The following TJP1 variants were observed in gnomAD, a reference collection of about 807,000 sequenced individuals.
TJP1 encodes the protein tight junction protein 1, also known as tight junction protein ZO-1.
A neutral mutation model predicts 194.2 loss-of-function variants in TJP1; 43 were observed. That is an observed-to-expected ratio of 0.22 (90% CI 0.17 to 0.29). The LOEUF is 0.29. Ranked by LOEUF, TJP1 falls within the 10% of genes least tolerant of loss-of-function variation. The pLI, the probability that TJP1 is intolerant of heterozygous loss-of-function variation, is 1.00. For synonymous variants in TJP1, 801 were observed against 779.0 expected (o/e 1.03, Z -0.47); for missense variants, 1,971 against 2,185.7 (o/e 0.90, Z 1.96).
chr15:29,963,826 G>T (rs749819977), intron 1 of TJP1, among the ~76,000 whole-genome samples: 1 of 152,004 alleles, frequency 6.6e-6, no homozygotes, highest in Admixed American at 6.6e-5. Context: ...GCTAATTTTT[G>T]TATTTTTAGT....
chr15:29,727,939 G>T lies in TJP1; in HGVS notation c.2098C>A (p.Gln700Lys). Residue 700 changes from glutamine to lysine, a missense_variant and splice_region_variant, in exon 16 of 28, where the codon CAA becomes AAA. Gln to Lys is a moderately conservative substitution (Grantham distance 53). Coordinates refer to ENST00000614355, the MANE Select transcript of TJP1 (RefSeq NM_001330239.4). ...TGGGTCAAGTTTTAATAACTTACTT[G>T]ATCTATGATTTGCTTTATTGTATGC... is the stretch of plus-strand genomic sequence containing the variant. ...RLHTIKQIID[Q>K]DKHALLDVTP... 1 of 1,613,188 alleles carries T rather than the reference G, an allele frequency of 6.2e-7. No homozygotes were observed. The highest frequency in any genetic ancestry group is 2.2e-5 in the East Asian group (1 of 44,852).
intron 2 of TJP1, among the ~76,000 whole-genome samples, chr15:29,908,188 T>G (rs2053890291): frequency 6.6e-6 from 1 of 151,510 alleles, no homozygotes; most frequent in Non-Finnish European, 1.5e-5. Context: ...TTTTCTATTT[T>G]GAAAGGGCCT....
At chr15:29,750,734 G>A (rs965818610) in intron 8 of TJP1, among the ~76,000 whole-genome samples, 2 of 152,070 alleles carry the variant, frequency 1.3e-5, no homozygotes, top group Non-Finnish European at 2.9e-5. Flanking sequence ...CTTTTATAAA[G>A]CCAACTCCCC....
At chr15:29,799,568 C>T (rs997064648) in intron 2 of TJP1, among the ~76,000 whole-genome samples, 2 of 151,962 alleles carry the variant, frequency 1.3e-5, no homozygotes, top group African/African-American at 4.8e-5. Context: ...GCACCCGCCA[C>T]CACGCCTGGC....
intron 2 of TJP1, among the ~76,000 whole-genome samples, chr15:29,907,524 T>C (rs2053856988): frequency 6.6e-6 from 1 of 152,232 alleles, no homozygotes; most frequent in African/African-American, 2.4e-5. Flanking sequence ...GATGAGATTA[T>C]GCACAATTTC....
intron 2 of TJP1, among the ~76,000 whole-genome samples, chr15:29,781,889 C>G (rs2047388554): frequency 6.6e-6 from 1 of 152,202 alleles, no homozygotes; most frequent in East Asian, 1.9e-4. Flanking sequence ...AAGCTGGAAG[C>G]ATTCTCCTTG....
At chr15:29,793,896 G>T (rs2048248100) in intron 2 of TJP1, among the ~76,000 whole-genome samples, 1 of 152,190 alleles carries the variant, frequency 6.6e-6, no homozygotes, top group East Asian at 1.9e-4. Context: ...AGTTGAATTT[G>T]GTTTAAGGAT....
intron 11 of TJP1, among the ~76,000 whole-genome samples, chr15:29,737,048 C>A (rs375432151): frequency 6.6e-6 from 1 of 152,056 alleles, no homozygotes; most frequent in Non-Finnish European, 1.5e-5. Flanking sequence ...TTTACTAACA[C>A]AAAATATAGC....
intron 1 of TJP1, among the ~76,000 whole-genome samples, chr15:29,807,980 A>G (rs557850085): frequency 2.0e-5 from 3 of 152,276 alleles, no homozygotes; most frequent in Admixed American, 6.5e-5. Flanking sequence ...AAAAATGGGC[A>G]AAAGTGGCCA....
chr15:29,816,207 T>C (rs76356170), intron 1 of TJP1, among the ~76,000 whole-genome samples: 4 of 152,128 alleles, frequency 2.6e-5, no homozygotes, highest in African/African-American at 9.7e-5. Context: ...TTTGTATTTT[T>C]AGTAGAGACG....
intron 2 of TJP1, among the ~76,000 whole-genome samples, chr15:29,951,972 TTCAAGCAA>T (rs2055766393): frequency 6.6e-6 from 1 of 152,214 alleles, no homozygotes; most frequent in African/African-American, 2.4e-5. Context: ...GCTGCAAAAT[TTCAAGCAA>T]TTTGTTAAAT....
At position 29,741,176 on chromosome 15, in the gene TJP1, A is replaced by G. The variant is rs1019038623; in HGVS notation, c.1256+155T>C. The G allele has an allele frequency of 2.2e-5, 13 of 596,604 alleles. No individual in the cohort carries two copies. The African/African-American group carries it at 2.2e-4, about 10-fold the overall frequency. 37.0% of individuals were successfully genotyped at this position (596,604 alleles called of 1,614,324 possible). ...TCTAATTTCTAACTCACTATCATAT[A>G]TAAGTAGCAGAATGTTAAATATAAA... is the stretch of plus-strand genomic sequence containing the variant. On this transcript the variant is annotated intron_variant, in intron 10 of 27. Coordinates refer to ENST00000614355, the MANE Select transcript of TJP1 (RefSeq NM_001330239.4).
intron 2 of TJP1, among the ~76,000 whole-genome samples, chr15:29,848,837 G>A (rs774196316): frequency 1.3e-5 from 2 of 151,806 alleles, no homozygotes; most frequent in Non-Finnish European, 2.9e-5. Flanking sequence ...CCAGCCTGGC[G>A]ACAGAGTGAG....
At chr15:29,958,997 T>G (rs78172695) in intron 1 of TJP1, among the ~76,000 whole-genome samples, 1 of 151,842 alleles carries the variant, frequency 6.6e-6, no homozygotes, top group African/African-American at 2.4e-5. Context: ...TTTTTTTTTT[T>G]GTTTTTTTTT....
chr15:29,944,092 ATTTAT>A lies in TJP1; in HGVS notation c.306+12135_306+12139del, dbSNP rs1245790011. On this transcript the variant is annotated intron_variant, in intron 2 of 28. Coordinates refer to the TJP1 transcript ENST00000356107. ...TTTAAATTTATTTATTTATTTATTT[ATTTAT>A]TTTATTTATTTTTGAGACAGAGTCT... Among the ~76,000 whole-genome samples the A allele has an allele frequency of 2.1e-4, 32 of 149,140 alleles. No individual in the cohort carries two copies. The South Asian group carries it at 6.8e-3, about 32-fold the overall frequency.
intron 15 of TJP1, 96 bp downstream of exon 15, chr15:29,732,337 A>G: frequency 1.8e-6 from 2 of 1,130,136 alleles, no homozygotes. Flanking sequence ...TTTCACTGAC[A>G]AAAAGTCTTA....
chr15:29,763,214 G>A (rs1442572488), intron 5 of TJP1, among the ~76,000 whole-genome samples: 4 of 152,164 alleles, frequency 2.6e-5, no homozygotes, highest in Non-Finnish European at 5.9e-5. Flanking sequence ...TGTGGGTAAG[G>A]AATGTTGGAA....
intron 2 of TJP1, among the ~76,000 whole-genome samples, chr15:29,938,499 T>A (rs2054956609): frequency 6.6e-6 from 1 of 152,182 alleles, no homozygotes; most frequent in Admixed American, 6.5e-5. Flanking sequence ...ACCAATTACT[T>A]GCAGAAAGTA....
At chr15:29,888,192 T>C (rs2053184884) in intron 2 of TJP1, among the ~76,000 whole-genome samples, 1 of 152,050 alleles carries the variant, frequency 6.6e-6, no homozygotes, top group African/African-American at 2.4e-5. Flanking sequence ...ATTTTATTTT[T>C]TAAATATAGA....
Sources: gnomAD v4.1 joint callset for allele counts (sites outside exome capture counted in the v4.1 genomes callset) on GRCh38, gnomAD v4.1.1 for gene constraint, MANE v1.5 for transcripts, NCBI Gene and HGNC (gene_info 2026-07-23, HGNC 2026-07-21) for gene names.